The following FOXN2 variants were observed in gnomAD, a reference collection of about 807,000 sequenced individuals.
FOXN2 encodes the protein forkhead box protein N2.
Under a neutral mutation model 41.2 loss-of-function variants are expected in FOXN2, and 19 were observed. The observed-to-expected ratio is 0.46, with a 90% CI of 0.32 to 0.68. FOXN2 has a LOEUF of 0.68. FOXN2 is among the 30% of genes least tolerant of loss of function. The probability of loss-of-function intolerance (pLI) is 0.03; values close to 1 mark genes in which losing one functional copy is unlikely to be tolerated. For synonymous variants in FOXN2, 195 were observed against 176.8 expected (o/e 1.10, Z -0.82); for missense variants, 587 against 509.4 (o/e 1.15, Z -1.47).
At chr2:48,341,057 A>G (rs1670732493) in intron 2 of FOXN2, among the ~76,000 whole-genome samples, 1 of 152,182 alleles carries the variant, frequency 6.6e-6, no homozygotes, top group Non-Finnish European at 1.5e-5. Context: ...TTTAAATCCC[A>G]CATCATACTA....
At position 48,375,130 on chromosome 2, in the gene FOXN2, A is replaced by T; in HGVS notation, c.983A>T (p.Glu328Val). 1.2e-5 allele frequency: 19 copies of T among 1,614,094 alleles called. No individual in the cohort carries two copies. The highest frequency in any genetic ancestry group is 1.5e-5 in the Non-Finnish European group (18 of 1,179,960). The change falls in exon 7 of 7, where the codon GAG becomes GTG. Residue 328 changes from glutamate to valine, a missense_variant. By Grantham distance (121) the Glu-to-Val change is moderately radical. Transcript: ENST00000340553. The part of the protein sequence containing the change: ...SSVSSLSSVD[E>V]VYEFIPKNSH... ...GTGTCTTCCCTGTCTTCTGTGGATG[A>T]GGTATATGAATTTATCCCAAAGAAT...
rs1443876588 is a variant in FOXN2 at position 48,358,905 on chromosome 2, C to T, written c.538-142C>T. The T allele has an allele frequency of 8.3e-6, 5 of 602,628 alleles. No individual in the cohort carries two copies. In the East Asian group the frequency reaches 1.2e-4, roughly 14 times the overall value. 37.3% of individuals were successfully genotyped at this position (602,628 alleles called of 1,614,324 possible). A position where few individuals can be genotyped will look rare whatever the true frequency, so the allele number is the denominator to read the frequency against. On this transcript the variant is annotated intron_variant, in intron 3 of 6. Coordinates refer to ENST00000340553, the MANE Select transcript of FOXN2 (RefSeq NM_002158.4). ...AATCCCTTTTAGTCACTACAGTGCA[C>T]ACATAGCAAGCTCACTTCAACCTTA...
chr2:48,357,251 A>C (rs1397586979), intron 3 of FOXN2, among the ~76,000 whole-genome samples: 1 of 152,152 alleles, frequency 6.6e-6, no homozygotes, highest in Non-Finnish European at 1.5e-5. Flanking sequence ...CCAATTTGCT[A>C]TTTCAAGGAA....
chr2:48,366,425 T>C (rs1451907019), intron 5 of FOXN2, among the ~76,000 whole-genome samples: 1 of 152,006 alleles, frequency 6.6e-6, no homozygotes, highest in African/African-American at 2.4e-5. Flanking sequence ...CCTCAAACTT[T>C]GTGGAACAAA....
intron 1 of FOXN2, 148 bp downstream of exon 1, chr2:48,314,962 T>G (rs1487657248): frequency 6.6e-6 from 1 of 151,950 alleles, no homozygotes; most frequent in East Asian, 1.9e-4. Context: ...CGGACATTTT[T>G]GTCCAGTGAG....
chr2:48,350,306 AAGTG>A (rs1257463113), intron 3 of FOXN2, among the ~76,000 whole-genome samples: 1 of 152,208 alleles, frequency 6.6e-6, no homozygotes, highest in Non-Finnish European at 1.5e-5. Flanking sequence ...TCTTGGACAA[AAGTG>A]AGTGACCACT....
chr2:48,356,286 C>T (rs958449920), intron 3 of FOXN2, among the ~76,000 whole-genome samples: 1 of 151,940 alleles, frequency 6.6e-6, no homozygotes, highest in African/African-American at 2.4e-5. Context: ...ACTAAAAATA[C>T]AAAAATTAGC....
Position 48,373,296 on chromosome 2 carries a change from T to A in FOXN2, c.708T>A (p.Ser236=). The change falls in exon 6 of 7, where the codon TCT becomes TCA. Residue 236 remains serine (S), a synonymous_variant. Transcript: ENST00000340553. The part of the protein sequence containing the change: ...KQNQVRNLKE[S]DIDAAAAMML... ...TATTACTTTTTCCCTTTTCAGAATCTGATATTGATGCTGCTGCTGCAATGA... is the reference window on the plus strand; with the variant it reads ...TATTACTTTTTCCCTTTTCAGAATCAGATATTGATGCTGCTGCTGCAATGA... The A allele has an allele frequency of 6.3e-7, 1 of 1,588,982 alleles. No homozygotes were observed. Among genetic ancestry groups the A allele is most frequent in the Non-Finnish European group, 8.6e-7 (1 of 1,164,876 alleles).
intron 2 of FOXN2, among the ~76,000 whole-genome samples, chr2:48,336,421 AT>A (rs1323038408): frequency 9.5e-5 from 14 of 146,640 alleles, no homozygotes; most frequent in Non-Finnish European, 1.9e-4. Flanking sequence ...AAAAAAAAAT[AT>A]ATATATATGT....
At chr2:48,356,968 T>C (rs1208262932) in intron 3 of FOXN2, among the ~76,000 whole-genome samples, 1 of 152,228 alleles carries the variant, frequency 6.6e-6, no homozygotes, top group Non-Finnish European at 1.5e-5. Context: ...AAATTTAGTT[T>C]TAAACAGTTA....
chr2:48,360,415 TCAA>T (rs1261181515), intron 4 of FOXN2, among the ~76,000 whole-genome samples: 2 of 152,214 alleles, frequency 1.3e-5, no homozygotes, highest in African/African-American at 4.8e-5. Context: ...GCAGCAATCA[TCAA>T]CGTTTCATAT....
chr2:48,321,535 C>CA (rs200906586), intron 1 of FOXN2, among the ~76,000 whole-genome samples: 1 of 148,134 alleles, frequency 6.8e-6, no homozygotes. Context: ...CACTCCATCT[C>CA]AAAAAAAAAA....
chr2:48,321,183 G>A (rs1363683283), intron 1 of FOXN2, among the ~76,000 whole-genome samples: 1 of 152,092 alleles, frequency 6.6e-6, no homozygotes, highest in Non-Finnish European at 1.5e-5. Context: ...ATATTCTAGT[G>A]TAGTATTTCT....
At chr2:48,331,106 AG>A (rs1398692822) in intron 2 of FOXN2, among the ~76,000 whole-genome samples, 12 of 152,198 alleles carry the variant, frequency 7.9e-5, no homozygotes, top group Non-Finnish European at 5.9e-5. Context: ...TTACCCAAAG[AG>A]GTAATAAGGA....
intron 5 of FOXN2, among the ~76,000 whole-genome samples, chr2:48,365,047 A>G (rs1188138224): frequency 6.6e-6 from 1 of 152,218 alleles, no homozygotes; most frequent in Non-Finnish European, 1.5e-5. Flanking sequence ...GATTAGTAGT[A>G]TATTAAAATC....
chr2:48,321,675 A>G (rs893818975), intron 1 of FOXN2, among the ~76,000 whole-genome samples: 1 of 152,126 alleles, frequency 6.6e-6, no homozygotes, highest in Admixed American at 6.6e-5. Context: ...TATTTAGTAC[A>G]TTTTATGTGG....
chr2:48,373,244 C>A, intron 5 of FOXN2, 48 bp from the exon 6 acceptor site: 1 of 1,316,082 alleles, frequency 7.6e-7, no homozygotes, highest in Middle Eastern at 2.1e-4. Flanking sequence ...CTTAGAATAG[C>A]CTCTCCTTTA....
intron 3 of FOXN2, among the ~76,000 whole-genome samples, chr2:48,348,916 T>C (rs1671280565): frequency 1.3e-5 from 2 of 152,224 alleles, no homozygotes; most frequent in African/African-American, 4.8e-5. Flanking sequence ...CTATTGCTTG[T>C]TACTTGGAGC....
At chr2:48,339,033 T>C (rs1002755985) in intron 2 of FOXN2, among the ~76,000 whole-genome samples, 4 of 152,154 alleles carry the variant, frequency 2.6e-5, no homozygotes, top group African/African-American at 9.7e-5. Flanking sequence ...CTTCAATAGA[T>C]ACTTTATGGA....
Sources: gnomAD v4.1 joint callset for allele counts (sites outside exome capture counted in the v4.1 genomes callset) on GRCh38, gnomAD v4.1.1 for gene constraint, MANE v1.5 for transcripts, NCBI Gene and HGNC (gene_info 2026-07-23, HGNC 2026-07-21) for gene names.